The following TNRC6B variants were observed in gnomAD, a reference collection of about 807,000 sequenced individuals.
The protein encoded by TNRC6B is trinucleotide repeat-containing gene 6B protein.
A neutral mutation model predicts 203.6 loss-of-function variants in TNRC6B; 52 were observed. The observed-to-expected ratio is 0.26, with a 90% CI of 0.20 to 0.32. TNRC6B has a LOEUF of 0.32. TNRC6B is among the 10% of genes least tolerant of loss of function. TNRC6B has a pLI of 1.00. For synonymous variants in TNRC6B, 838 were observed against 845.7 expected, an observed-to-expected ratio of 0.99 and a Z score of 0.16; for missense variants, 1,923 against 2,286.2, an observed-to-expected ratio of 0.84 and a Z score of 3.24.
intron 12 of TNRC6B, among the ~76,000 whole-genome samples, chr22:40,295,496 G>C (rs1198471876): frequency 6.7e-6 from 1 of 149,000 alleles, no homozygotes; most frequent in East Asian, 2.0e-4. Context: ...AAAAAAGAAA[G>C]AAAGAAAAGA....
chr22:40,187,533 C>T (rs533029613), intron 1 of TNRC6B, among the ~76,000 whole-genome samples: 118 of 152,166 alleles, frequency 7.8e-4, no homozygotes, highest in African/African-American at 2.7e-3. Context: ...GGGGTGGGAG[C>T]GTTCCTGTTA....
intron 22 of TNRC6B, among the ~76,000 whole-genome samples, chr22:40,322,481 G>T (rs1448601443): frequency 6.6e-6 from 1 of 152,154 alleles, no homozygotes; most frequent in African/African-American, 2.4e-5. Context: ...TGCCAGTTCA[G>T]TCATCCCTCT....
At chr22:40,061,553 G>A (rs1339711052) in intron 1 of TNRC6B, among the ~76,000 whole-genome samples, 11 of 151,942 alleles carry the variant, frequency 7.2e-5, no homozygotes, top group Non-Finnish European at 1.6e-4. Flanking sequence ...TGTCAATTAG[G>A]TCCAGATGGT....
intron 4 of TNRC6B, among the ~76,000 whole-genome samples, chr22:40,264,397 G>C (rs559327883): frequency 6.6e-6 from 1 of 152,302 alleles, no homozygotes; most frequent in South Asian, 2.1e-4. Flanking sequence ...AGCAAGTTTA[G>C]AGTGCCATTG....
chr22:40,181,587 G>T (rs2069129704), intron 1 of TNRC6B, among the ~76,000 whole-genome samples: 1 of 152,220 alleles, frequency 6.6e-6, no homozygotes, highest in Admixed American at 6.5e-5. Flanking sequence ...TTCAGAGCAA[G>T]TTCCTGGTTA....
chr22:40,158,124 G>A (rs748381064), intron 4 of TNRC6B, among the ~76,000 whole-genome samples: 8 of 152,054 alleles, frequency 5.3e-5, no homozygotes, highest in African/African-American at 4.8e-5. Context: ...GATCACTTGA[G>A]GTTGGGAGTT....
chr22:40,095,286 AT>A, intron 1 of TNRC6B, among the ~76,000 whole-genome samples: 1 of 152,154 alleles, frequency 6.6e-6, no homozygotes, highest in Non-Finnish European at 1.5e-5. Flanking sequence ...AAATTGGGAA[AT>A]AAGTAGTCAC....
intron 1 of TNRC6B, among the ~76,000 whole-genome samples, chr22:40,184,787 C>A (rs954604296): frequency 2.0e-5 from 3 of 152,054 alleles, no homozygotes; most frequent in Non-Finnish European, 1.5e-5. Context: ...AAAATAACAC[C>A]TGTGTCTCTG....
intron 15 of TNRC6B, among the ~76,000 whole-genome samples, chr22:40,307,099 T>C (rs945294645): frequency 6.9e-6 from 1 of 145,264 alleles, no homozygotes; most frequent in Admixed American, 7.0e-5. Context: ...TTACAGAGTG[T>C]GAAAGAACAC....
Position 40,170,812 on chromosome 22 carries a change from CATATATGTGTGTGTATAT to C in TNRC6B, c.113+14632_113+14649del, listed in dbSNP as rs1569006500. ...ATGTGTGTATATATACATATATGTA[CATATATGTGTGTGTATAT>C]ACATATATGTACATATATGTGTGTA... On this transcript the variant is annotated intron_variant, in intron 4 of 23. Transcript: ENST00000301923. Among the ~76,000 whole-genome samples the C allele has an allele frequency of 8.8e-5, 4 of 45,708 alleles. No homozygotes were observed. The African/African-American group carries it at 9.6e-4, about 11-fold the overall frequency. 30.0% of individuals were successfully genotyped at this position (45,708 alleles called of 152,430 possible). A position where few individuals can be genotyped will look rare whatever the true frequency, so the allele number is the denominator to read the frequency against.
chr22:40,315,910 C>A (rs755246007), intron 20 of TNRC6B, 32 bp from the exon 21 acceptor site: 13 of 1,567,408 alleles, frequency 8.3e-6, no homozygotes, highest in Non-Finnish European at 1.1e-5. Context: ...TGTTTTATTT[C>A]TCTTCCTAAC....
chr22:40,285,060 TC>T (rs2070764054), intron 11 of TNRC6B, among the ~76,000 whole-genome samples: 1 of 152,222 alleles, frequency 6.6e-6, no homozygotes, highest in Non-Finnish European at 1.5e-5. Flanking sequence ...TATTTTGGTG[TC>T]CCTGTAATGG....
Position 40,194,912 on chromosome 22 carries a change from G to A in TNRC6B, c.5+16772G>A, listed in dbSNP as rs534148945. 4.6e-5 allele frequency among the ~76,000 whole-genome samples: 7 copies of A among 152,340 alleles called. No individual in the cohort carries two copies. In the South Asian group the frequency reaches 8.3e-4, roughly 18 times the overall value. ...GCATCTGCAGTGGTTTGGGGAGGACGTCTGAGTCCTGTGATGTATCACTCA... is the reference window on the plus strand; with the variant it reads ...GCATCTGCAGTGGTTTGGGGAGGACATCTGAGTCCTGTGATGTATCACTCA... On this transcript the variant is annotated intron_variant, in intron 1 of 22. Coordinates refer to ENST00000454349, the MANE Select transcript of TNRC6B (RefSeq NM_001162501.2).
chr22:40,293,630 T>A (rs1601497102), intron 12 of TNRC6B, among the ~76,000 whole-genome samples: 1 of 142,054 alleles, frequency 7.0e-6, no homozygotes, highest in African/African-American at 2.6e-5. Flanking sequence ...CGGAGGGGGG[T>A]AGGGGAATGG....
At chr22:40,250,732 C>A (rs1471924668) in intron 2 of TNRC6B, among the ~76,000 whole-genome samples, 4 of 152,108 alleles carry the variant, frequency 2.6e-5, no homozygotes, top group African/African-American at 7.2e-5. Flanking sequence ...ACCATGACGT[C>A]TGATGCCTCT....
rs2070655309 is a variant in TNRC6B at position 40,277,144 on chromosome 22, G to A, written c.3209G>A (p.Gly1070Glu). The A allele has an allele frequency of 6.8e-6, 11 of 1,606,050 alleles. No individual in the cohort carries two copies. Among genetic ancestry groups the A allele is most frequent in the Non-Finnish European group, 5.9e-6 (7 of 1,177,188 alleles). Residue 1070 changes from glycine (G) to glutamate (E), a missense_variant, in exon 8 of 23, where the codon GGA becomes GAA. By Grantham distance (98) the Gly-to-Glu change is moderately conservative (BLOSUM62 -2). Around this residue, in one of 8 missense-constraint regions of TNRC6B, gnomAD observed 599 missense variants for 656.5 expected, o/e 0.91. Coordinates refer to ENST00000454349, the MANE Select transcript of TNRC6B (RefSeq NM_001162501.2). ...CTTGCCAAACAGTTTTCAAATATGG[G>A]ATTGCTGGTAAGTTTTATTTTTTTC... ...NPLAKQFSNM[G>E]LLSQTEDNPS...
rs1369126234 is a variant in TNRC6B, at chr22:40,325,453, G to C, written c.*2212G>C. ...AGATTGACAGGCATGACTCAAGTGA[G>C]TGTTCACATATACAAGCCTGCATGA... On this transcript the variant is annotated 3_prime_UTR_variant, in exon 23 of 23. Transcript: ENST00000454349. The C allele has an allele frequency of 1.3e-5, 2 of 152,574 alleles. No individual in the cohort carries two copies. The highest frequency in any genetic ancestry group is 2.9e-5 in the Non-Finnish European group (2 of 68,056). 9.5% of individuals were successfully genotyped at this position (152,574 alleles called of 1,614,324 possible). A position where few individuals can be genotyped will look rare whatever the true frequency, so the allele number is the denominator to read the frequency against.
intron 15 of TNRC6B, among the ~76,000 whole-genome samples, chr22:40,304,621 A>G (rs1232597710): frequency 6.6e-6 from 1 of 152,234 alleles, no homozygotes; most frequent in Non-Finnish European, 1.5e-5. Flanking sequence ...AAAGAAATTT[A>G]AAATAAGATG....
upstream of TNRC6B, among the ~76,000 whole-genome samples, chr22:40,173,793 A>ATATATATATAT (rs1320703071): frequency 7.7e-5 from 5 of 64,886 alleles, no homozygotes; most frequent in Non-Finnish European, 1.0e-4. Context: ...ATATATATAT[A>ATATATATATAT]TTTTTTTTTT....
Sources: allele counts gnomAD v4.1 joint callset (sites outside exome capture counted in the v4.1 genomes callset), GRCh38; gene constraint gnomAD v4.1.1; regional missense constraint gnomAD v4.1.1; transcripts MANE v1.5; gene names NCBI Gene and HGNC (gene_info 2026-07-23, HGNC 2026-07-21).